The following OPCML variants were observed in gnomAD, a reference collection of about 807,000 sequenced individuals.
The protein encoded by OPCML is opioid binding protein/cell adhesion molecule like.
OPCML carries 13 observed loss-of-function variants against 37.8 expected under a neutral mutation model. That is an observed-to-expected ratio of 0.34 (90% CI 0.22 to 0.55). OPCML has a LOEUF of 0.55. Ranked by LOEUF, OPCML falls within the 20% of genes least tolerant of loss-of-function variation. The pLI, the probability that OPCML is intolerant of heterozygous loss-of-function variation, is 0.91. For missense variants in OPCML, 341 were observed against 435.6 expected (o/e 0.78, Z 1.93); for synonymous variants, 176 against 168.8 (o/e 1.04, Z -0.33).
intron 1 of OPCML, among the ~76,000 whole-genome samples, chr11:133,047,706 C>T (rs903573705): frequency 2.6e-5 from 4 of 152,172 alleles, no homozygotes; most frequent in African/African-American, 7.2e-5. Context: ...CCAGCCCACT[C>T]CTCAGGGAGC....
chr11:133,451,936 C>A (rs6590703), intron 1 of OPCML, among the ~76,000 whole-genome samples: 52,694 of 151,106 alleles, frequency 0.35, 14,075 homozygotes, highest in African/African-American at 0.74. Context: ...AAAAGGACTC[C>A]ACAATGATTC....
Position 132,639,308 on chromosome 11 carries a change from C to T in OPCML, c.379+17779G>A, listed in dbSNP as rs184505029. Among the ~76,000 whole-genome samples, 20 of 152,300 alleles carry T rather than the reference C, an allele frequency of 1.3e-4. No homozygotes were observed. In the East Asian group the frequency reaches 3.5e-3, roughly 26 times the overall value. Reference sequence around the variant, plus strand: ...CTGAGAAGAAAGTTCCGGCAGCTTGCCAGAGGCATGCTCTCAAAATGTGAG... The same window carrying T: ...CTGAGAAGAAAGTTCCGGCAGCTTGTCAGAGGCATGCTCTCAAAATGTGAG... On this transcript the variant is annotated intron_variant, in intron 3 of 7. Coordinates refer to ENST00000524381, the MANE Select transcript of OPCML (RefSeq NM_001012393.5).
chr11:133,312,965 T>C (rs2136598010), intron 1 of OPCML, among the ~76,000 whole-genome samples: 1 of 152,330 alleles, frequency 6.6e-6, no homozygotes, highest in East Asian at 1.9e-4. Flanking sequence ...AAAGACAAGT[T>C]TGATGGTAAC....
chr11:133,468,285 G>A (rs759057763), intron 1 of OPCML, among the ~76,000 whole-genome samples: 3 of 152,196 alleles, frequency 2.0e-5, no homozygotes, highest in Admixed American at 6.5e-5. Context: ...TACCTGCAAA[G>A]GCAGGTGCTC....
intron 4 of OPCML, among the ~76,000 whole-genome samples, chr11:132,515,088 G>T (rs1292937390): frequency 6.6e-6 from 1 of 152,156 alleles, no homozygotes; most frequent in African/African-American, 2.4e-5. Context: ...AGAGCTTGTT[G>T]GGAAAAGGAA....
chr11:132,685,307 C>T (rs1220084392), intron 2 of OPCML, among the ~76,000 whole-genome samples: 1 of 152,182 alleles, frequency 6.6e-6, no homozygotes. Flanking sequence ...ACATTTCTCC[C>T]TTGCTTCTTC....
chr11:132,488,349 C>A (rs1283576996), intron 4 of OPCML, among the ~76,000 whole-genome samples: 2 of 152,170 alleles, frequency 1.3e-5, no homozygotes, highest in Non-Finnish European at 2.9e-5. Flanking sequence ...CCCTAGAGTG[C>A]ACTTACACAA....
chr11:133,045,130 C>T (rs1245558882), intron 1 of OPCML, among the ~76,000 whole-genome samples: 1 of 152,206 alleles, frequency 6.6e-6, no homozygotes, highest in Non-Finnish European at 1.5e-5. Context: ...CCCTGCCCCT[C>T]ACACATACCC....
intron 2 of OPCML, among the ~76,000 whole-genome samples, chr11:132,911,676 C>T (rs1429796219): frequency 2.0e-5 from 3 of 152,212 alleles, no homozygotes; most frequent in African/African-American, 4.8e-5. Context: ...TCTGTCCTCA[C>T]ACTCCATAGC....
At chr11:133,279,212 T>C (rs1344039237) in intron 1 of OPCML, among the ~76,000 whole-genome samples, 2 of 152,210 alleles carry the variant, frequency 1.3e-5, no homozygotes, top group African/African-American at 2.4e-5. Context: ...TAATTTTACA[T>C]GTCACCAATC....
chr11:132,519,693 G>A (rs1371515066), intron 4 of OPCML, among the ~76,000 whole-genome samples: 1 of 152,106 alleles, frequency 6.6e-6, no homozygotes, highest in Non-Finnish European at 1.5e-5. Flanking sequence ...TTGCAAAAAT[G>A]TGAGAGGAAC....
intron 1 of OPCML, among the ~76,000 whole-genome samples, chr11:133,465,268 C>T (rs1343083028): frequency 6.6e-6 from 1 of 152,184 alleles, no homozygotes; most frequent in African/African-American, 2.4e-5. Context: ...CTCCTGGTGA[C>T]TCTGACCCCA....
At chr11:133,209,203 A>G (rs939834677) in intron 1 of OPCML, among the ~76,000 whole-genome samples, 3 of 152,228 alleles carry the variant, frequency 2.0e-5, no homozygotes, top group East Asian at 1.9e-4. Flanking sequence ...ATTAAAAACT[A>G]TATAAGGACA....
chr11:133,429,282 G>A (rs1165585646), intron 1 of OPCML, among the ~76,000 whole-genome samples: 1 of 152,202 alleles, frequency 6.6e-6, no homozygotes, highest in Admixed American at 6.5e-5. Context: ...AGAGATGAAG[G>A]AGACCAAATC....
chr11:132,450,676 CACAG>C (rs1425915717), intron 4 of OPCML, among the ~76,000 whole-genome samples: 1 of 151,888 alleles, frequency 6.6e-6, no homozygotes, highest in African/African-American at 2.4e-5. Flanking sequence ...TCTGCACATA[CACAG>C]ACAGACACAC....
intron 2 of OPCML, among the ~76,000 whole-genome samples, chr11:132,818,616 A>AGATAGATAGATAGATAGAT (rs1555193683): frequency 4.4e-4 from 60 of 137,676 alleles, no homozygotes; most frequent in South Asian, 1.6e-3. Context: ...GATGATAGAT[A>AGATAGATAGATAGATAGAT]GATAGATAAA....
intron 2 of OPCML, among the ~76,000 whole-genome samples, chr11:132,673,217 G>A (rs56203138): frequency 0.026 from 3,911 of 152,220 alleles, 183 homozygotes; most frequent in African/African-American, 0.09. Context: ...TCATGACTTG[G>A]TCTTGTCCTT....
At chr11:132,746,308 G>GTTTA (rs145762873) in intron 2 of OPCML, among the ~76,000 whole-genome samples, 2 of 151,992 alleles carry the variant, frequency 1.3e-5, no homozygotes, top group African/African-American at 4.8e-5. Context: ...TTGTTTGTTT[G>GTTTA]TTGTTTGTTT....
chr11:132,940,647 C>G (rs35806016), intron 2 of OPCML, among the ~76,000 whole-genome samples: 1,565 of 152,256 alleles, frequency 0.01, 17 homozygotes, highest in Non-Finnish European at 0.017. Flanking sequence ...GAACAGAACT[C>G]TTCACCAATA....
Sources: allele counts gnomAD v4.1 joint callset (sites outside exome capture counted in the v4.1 genomes callset), GRCh38; gene constraint gnomAD v4.1.1; transcripts MANE v1.5; gene names NCBI Gene and HGNC (gene_info 2026-07-23, HGNC 2026-07-21).